Variants in DLG2 observed in about 807,000 individuals in gnomAD.
DLG2 encodes the protein discs large MAGUK scaffold protein 2.
DLG2 carries 45 observed loss-of-function variants against 132.5 expected under a neutral mutation model. That is an observed-to-expected ratio of 0.34 (90% CI 0.27 to 0.44). DLG2 has a LOEUF of 0.44. Among genes scored for constraint, DLG2 ranks in the 20% least tolerant of loss-of-function variants. The pLI, the probability that DLG2 is intolerant of heterozygous loss-of-function variation, is 1.00. For missense variants in DLG2, 1,045 were observed against 1,196.9 expected (o/e 0.87, Z 1.87); for synonymous variants, 424 against 419.6 (o/e 1.01, Z -0.13).
intron 11 of DLG2, among the ~76,000 whole-genome samples, chr11:84,019,296 A>C (rs1396513832): frequency 6.6e-6 from 1 of 152,124 alleles, no homozygotes; most frequent in South Asian, 2.1e-4. Context: ...TATTAAAGGA[A>C]AGGGTGATTC....
At chr11:85,466,995 G>C (rs942207127) in intron 3 of DLG2, among the ~76,000 whole-genome samples, 5 of 152,092 alleles carry the variant, frequency 3.3e-5, no homozygotes, top group African/African-American at 9.7e-5. Context: ...TTGAGCAGTG[G>C]TTTGTAGTTC....
At chr11:85,183,117 G>A (rs72945942) in intron 4 of DLG2, among the ~76,000 whole-genome samples, 4,413 of 151,850 alleles carry the variant, frequency 0.029, 91 homozygotes, top group Non-Finnish European at 0.045. Context: ...CAGAATATTA[G>A]CATTCTTATA....
intron 7 of DLG2, among the ~76,000 whole-genome samples, chr11:84,491,821 A>G (rs192905381): frequency 1.2e-3 from 182 of 152,294 alleles, no homozygotes; most frequent in African/African-American, 4.2e-3. Context: ...CACACTGTGA[A>G]TGTTAAACAT....
At chr11:84,509,822 T>G (rs1565146175) in intron 7 of DLG2, among the ~76,000 whole-genome samples, 2 of 151,812 alleles carry the variant, frequency 1.3e-5, no homozygotes, top group African/African-American at 4.8e-5. Context: ...ATATGAAAAA[T>G]ATTGTGATTT....
At chr11:84,791,592 T>C (rs1396269867) in intron 6 of DLG2, among the ~76,000 whole-genome samples, 1 of 152,214 alleles carries the variant, frequency 6.6e-6, no homozygotes, top group African/African-American at 2.4e-5. Flanking sequence ...TCTTTTTATG[T>C]TTTTGTGTTC....
At chr11:84,042,892 G>A (rs77238144) in intron 11 of DLG2, among the ~76,000 whole-genome samples, 4,311 of 151,902 alleles carry the variant, frequency 0.028, 162 homozygotes, top group African/African-American at 0.09. Flanking sequence ...GGGGTGAGGT[G>A]CAGGGAGGGA....
intron 3 of DLG2, among the ~76,000 whole-genome samples, chr11:85,399,522 T>C (rs1262446179): frequency 6.6e-6 from 1 of 152,160 alleles, no homozygotes. Context: ...GCTACCTGAC[T>C]TCAAACTATA....
At chr11:85,483,479 G>T (rs2153093281) in intron 3 of DLG2, among the ~76,000 whole-genome samples, 1 of 152,246 alleles carries the variant, frequency 6.6e-6, no homozygotes, top group South Asian at 2.1e-4. Context: ...ATGCTAGAGG[G>T]AGTATTCAAC....
intron 7 of DLG2, among the ~76,000 whole-genome samples, chr11:84,493,834 T>C (rs1444816105): frequency 1.3e-5 from 2 of 152,198 alleles, no homozygotes; most frequent in African/African-American, 2.4e-5. Flanking sequence ...AAAAAACTAG[T>C]GATACTTCAC....
intron 19 of DLG2, among the ~76,000 whole-genome samples, chr11:83,571,002 C>A (rs1307734769): frequency 6.6e-6 from 1 of 152,092 alleles, no homozygotes; most frequent in Non-Finnish European, 1.5e-5. Context: ...TCTGTCTCAG[C>A]CTCCCAAGTA....
At chr11:84,301,927 A>T (rs1414695303) in intron 7 of DLG2, among the ~76,000 whole-genome samples, 1 of 152,222 alleles carries the variant, frequency 6.6e-6, no homozygotes, top group Admixed American at 6.5e-5. Context: ...TATTCACAGT[A>T]GCAAAGACTT....
intron 6 of DLG2, among the ~76,000 whole-genome samples, chr11:84,550,424 A>G (rs535954319): frequency 6.6e-6 from 1 of 152,198 alleles, no homozygotes; most frequent in East Asian, 1.9e-4. Context: ...TATGATGATC[A>G]TCTCTGTCCA....
intron 7 of DLG2, among the ~76,000 whole-genome samples, chr11:84,323,135 A>G (rs1599860850): frequency 6.6e-6 from 1 of 152,152 alleles, no homozygotes; most frequent in East Asian, 1.9e-4. Flanking sequence ...GTTGTAAAGC[A>G]GATCTCTACC....
intron 6 of DLG2, among the ~76,000 whole-genome samples, chr11:84,604,686 G>A (rs1308779593): frequency 3.3e-5 from 5 of 151,856 alleles, no homozygotes; most frequent in African/African-American, 4.8e-5. Context: ...AGGATGTGAC[G>A]GGAAATGACA....
rs79881904 is a variant in DLG2 at position 84,930,713 on chromosome 11, T to A, written c.357+180948A>T. Among the ~76,000 whole-genome samples, 48 of 152,282 alleles carry A rather than the reference T, an allele frequency of 3.2e-4. No homozygotes were observed. The East Asian group carries it at 8.5e-3, about 27-fold the overall frequency. Reference sequence around the variant, plus strand: ...TCCTTCTTTTGCTCCTCTCAGTGTATGTTCCCCTCTCATCAAGACTGGATC... The same window carrying A: ...TCCTTCTTTTGCTCCTCTCAGTGTAAGTTCCCCTCTCATCAAGACTGGATC... On this transcript the variant is annotated intron_variant, in intron 6 of 27. Transcript: ENST00000376104.
At chr11:85,543,054 G>A (rs2076075283) in intron 3 of DLG2, among the ~76,000 whole-genome samples, 1 of 152,008 alleles carries the variant, frequency 6.6e-6, no homozygotes, top group Admixed American at 6.6e-5. Context: ...TTGTTACATA[G>A]GTATACATGT....
intron 18 of DLG2, among the ~76,000 whole-genome samples, chr11:83,664,043 A>G (rs1308259625): frequency 6.6e-6 from 1 of 152,194 alleles, no homozygotes; most frequent in African/African-American, 2.4e-5. Context: ...TTTCATTTAT[A>G]TAATGGTAGA....
At chr11:85,104,530 T>G (rs1437250951) in intron 6 of DLG2, among the ~76,000 whole-genome samples, 1 of 151,710 alleles carries the variant, frequency 6.6e-6, no homozygotes, top group Non-Finnish European at 1.5e-5. Context: ...GAAAGTAGAT[T>G]AGTGGTTTGT....
intron 8 of DLG2, among the ~76,000 whole-genome samples, chr11:84,218,112 G>A (rs1343968806): frequency 6.6e-6 from 1 of 152,038 alleles, no homozygotes; most frequent in Non-Finnish European, 1.5e-5. Context: ...AAATTGCGGT[G>A]AGCTGAGATT....
Sources: allele counts gnomAD v4.1 joint callset (sites outside exome capture counted in the v4.1 genomes callset), GRCh38; gene constraint gnomAD v4.1.1; transcripts MANE v1.5; gene names NCBI Gene and HGNC (gene_info 2026-07-23, HGNC 2026-07-21).